The following WWOX variants were observed in gnomAD, a reference collection of about 807,000 sequenced individuals.
WWOX encodes the protein WW domain-containing oxidoreductase.
A neutral mutation model predicts 46.2 loss-of-function variants in WWOX; 69 were observed. That is an observed-to-expected ratio of 1.49 (90% CI 1.23 to 1.82). The LOEUF is 1.82. Among genes scored for constraint, WWOX ranks in the 40% most tolerant of loss-of-function variants. WWOX has a pLI of 0.00. For missense variants in WWOX, 919 were observed against 542.6 expected (o/e 1.69, Z -6.89); for synonymous variants, 359 against 202.6 (o/e 1.77, Z -6.56).
intron 8 of WWOX, among the ~76,000 whole-genome samples, chr16:79,111,445 G>A (rs572186986): frequency 1.3e-5 from 2 of 152,218 alleles, no homozygotes; most frequent in Admixed American, 1.3e-4. Flanking sequence ...TTTCTGTATT[G>A]TTTAGGACTG....
intron 8 of WWOX, among the ~76,000 whole-genome samples, chr16:78,856,051 G>T (rs905878779): frequency 6.6e-6 from 1 of 152,232 alleles, no homozygotes; most frequent in African/African-American, 2.4e-5. Context: ...ATTAGGGAAA[G>T]TTTCCTTCAG....
chr16:78,537,891 G>T lies in WWOX; in HGVS notation c.1056+105139G>T, dbSNP rs76745443. 5.1e-3 allele frequency among the ~76,000 whole-genome samples: 771 copies of T among 152,272 alleles called. 10 individuals are homozygous for T. Among genetic ancestry groups the T allele is most frequent in the African/African-American group, 0.018 (749 of 41,536 alleles). ...TGGCCTCGGCCTTCTCCGGAAGGTT[G>T]TCCGCGGTGCCAGTGAGAGCTGCTT... is the stretch of plus-strand genomic sequence containing the variant. On this transcript the variant is annotated intron_variant, in intron 8 of 8. Transcript: ENST00000566780.
At chr16:78,505,652 G>A (rs2085179957) in intron 8 of WWOX, among the ~76,000 whole-genome samples, 1 of 152,136 alleles carries the variant, frequency 6.6e-6, no homozygotes, top group African/African-American at 2.4e-5. Context: ...GGAAGTTGCT[G>A]GGAAGTCTGG....
At chr16:78,249,561 T>G (rs2037924028) in intron 5 of WWOX, among the ~76,000 whole-genome samples, 1 of 152,210 alleles carries the variant, frequency 6.6e-6, no homozygotes, top group Non-Finnish European at 1.5e-5. Flanking sequence ...GAGTTTTTAA[T>G]GTGGCAGCAG....
chr16:78,100,543 G>T (rs2031705827), intron 1 of WWOX, among the ~76,000 whole-genome samples: 1 of 152,198 alleles, frequency 6.6e-6, no homozygotes, highest in Non-Finnish European at 1.5e-5. Flanking sequence ...GAGCCACTGC[G>T]CCTAGCCAGG....
chr16:79,115,014 C>T (rs932596161), intron 8 of WWOX, among the ~76,000 whole-genome samples: 1 of 152,182 alleles, frequency 6.6e-6, no homozygotes, highest in African/African-American at 2.4e-5. Context: ...ATCTGCTTTC[C>T]CAGCAAAGCC....
chr16:78,180,574 G>T (rs2035499900), intron 5 of WWOX, among the ~76,000 whole-genome samples: 1 of 152,008 alleles, frequency 6.6e-6, no homozygotes, highest in Non-Finnish European at 1.5e-5. Flanking sequence ...GCACCTGAGA[G>T]TAGGGGTATA....
intron 5 of WWOX, among the ~76,000 whole-genome samples, chr16:78,292,452 G>A (rs181995116): frequency 6.6e-6 from 1 of 152,118 alleles, no homozygotes; most frequent in African/African-American, 2.4e-5. Context: ...CAATAAAAAT[G>A]GTAACAACAC....
intron 8 of WWOX, among the ~76,000 whole-genome samples, chr16:78,469,359 G>A (rs1378486961): frequency 6.6e-6 from 1 of 152,132 alleles, no homozygotes; most frequent in South Asian, 2.1e-4. Context: ...AGTTACAAAG[G>A]CAGACTCTTA....
intron 5 of WWOX, among the ~76,000 whole-genome samples, chr16:78,183,810 C>T (rs1355436852): frequency 6.6e-6 from 1 of 152,188 alleles, no homozygotes; most frequent in Non-Finnish European, 1.5e-5. Context: ...CACAGAGCCT[C>T]CCCTGAGTAG....
Position 78,746,519 on chromosome 16 carries a change from TATC to T in WWOX, c.1056+313769_1056+313771del, listed in dbSNP as rs1263485798. Reference sequence around the variant, plus strand: ...TAAAGTGCATTGTAGTAATACTAGATATCAGCACCCTTGCCATGGCCTCATGAG... The same window carrying T: ...TAAAGTGCATTGTAGTAATACTAGATAGCACCCTTGCCATGGCCTCATGAG... On this transcript the variant is annotated intron_variant, in intron 8 of 8. Transcript: ENST00000566780. 2.6e-5 allele frequency among the ~76,000 whole-genome samples: 4 copies of T among 152,164 alleles called. No individual in the cohort carries two copies. In the East Asian group the frequency reaches 7.7e-4, roughly 29 times the overall value.
At chr16:79,156,128 G>A (rs2050376948) in intron 8 of WWOX, among the ~76,000 whole-genome samples, 1 of 152,158 alleles carries the variant, frequency 6.6e-6, no homozygotes, top group African/African-American at 2.4e-5. Flanking sequence ...ACTACTAACA[G>A]TGCTAATGTG....
chr16:79,148,563 A>T (rs773691117), intron 8 of WWOX, among the ~76,000 whole-genome samples: 1 of 152,130 alleles, frequency 6.6e-6, no homozygotes, highest in Non-Finnish European at 1.5e-5. Context: ...GCTTTTTCAT[A>T]TAAATTGTAC....
intron 8 of WWOX, among the ~76,000 whole-genome samples, chr16:79,171,756 TA>T (rs34101401): frequency 6.6e-6 from 1 of 152,170 alleles, no homozygotes; most frequent in African/African-American, 2.4e-5. Flanking sequence ...TGGAAACGAG[TA>T]AAGTTCATTG....
chr16:78,855,986 C>A (rs1483040116), intron 8 of WWOX, among the ~76,000 whole-genome samples: 1 of 152,120 alleles, frequency 6.6e-6, no homozygotes, highest in African/African-American at 2.4e-5. Context: ...GCACAAGGTA[C>A]CCAAGAAGGA....
chr16:78,780,159 G>C (rs2050288339), intron 8 of WWOX, among the ~76,000 whole-genome samples: 1 of 152,092 alleles, frequency 6.6e-6, no homozygotes, highest in African/African-American at 2.4e-5. Context: ...ATGGTCACCT[G>C]CATCCCCTCC....
intron 8 of WWOX, among the ~76,000 whole-genome samples, chr16:79,078,426 G>T (rs1387585806): frequency 1.3e-5 from 2 of 152,208 alleles, no homozygotes; most frequent in African/African-American, 2.4e-5. Flanking sequence ...AAAGTGTCCT[G>T]TGTGTGGAGA....
intron 8 of WWOX, chr16:79,206,185 C>T (rs1187914360): frequency 6.6e-6 from 1 of 152,224 alleles, no homozygotes; most frequent in Non-Finnish European, 1.5e-5. Context: ...CCCCACATTT[C>T]ATTTTAGGCC....
At chr16:78,562,970 A>G (rs995740195) in intron 8 of WWOX, among the ~76,000 whole-genome samples, 2 of 150,982 alleles carry the variant, frequency 1.3e-5, no homozygotes, top group African/African-American at 4.9e-5. Flanking sequence ...TCCCTCTGAA[A>G]AGCTTTACAG....
Sources: allele counts gnomAD v4.1 joint callset (sites outside exome capture counted in the v4.1 genomes callset), GRCh38; gene constraint gnomAD v4.1.1; transcripts MANE v1.5; gene names NCBI Gene and HGNC (gene_info 2026-07-23, HGNC 2026-07-21).